The following FBXL17 variants were observed in gnomAD, a reference collection of about 807,000 sequenced individuals.
FBXL17 encodes F-box and leucine rich repeat protein 17.
FBXL17 carries 22 observed loss-of-function variants against 66.2 expected under a neutral mutation model. That is an observed-to-expected ratio of 0.33 (90% CI 0.24 to 0.47). FBXL17 has a LOEUF of 0.47. Among genes scored for constraint, FBXL17 ranks in the 20% least tolerant of loss-of-function variants. The probability of loss-of-function intolerance (pLI) is 1.00; values close to 1 mark genes in which losing one functional copy is unlikely to be tolerated. For missense variants in FBXL17, 878 were observed against 948.2 expected, an observed-to-expected ratio of 0.93 and a Z score of 0.97; for synonymous variants, 474 against 400.5, an observed-to-expected ratio of 1.18 and a Z score of -2.19.
At chr5:107,980,664 A>ATATATATATTTTTTTTTTTTTTTTTTTT in intron 7 of FBXL17, among the ~76,000 whole-genome samples, 2 of 62,074 alleles carry the variant, frequency 3.2e-5, no homozygotes, top group African/African-American at 2.1e-4. Context: ...ATATATATAT[A>ATATATATATTTTTTTTTTTTTTTTTTTT]TTTTTTTTTT....
chr5:108,245,391 A>G (rs1001054424), intron 4 of FBXL17, among the ~76,000 whole-genome samples: 10 of 152,188 alleles, frequency 6.6e-5, no homozygotes, highest in Admixed American at 6.5e-4. Flanking sequence ...AAAAAAAACA[A>G]ACACCCTGAT....
intron 6 of FBXL17, among the ~76,000 whole-genome samples, chr5:108,104,907 T>A (rs1749734967): frequency 6.6e-6 from 1 of 152,170 alleles, no homozygotes; most frequent in African/African-American, 2.4e-5. Flanking sequence ...AGTGGTGCCA[T>A]CTCGGCTCAC....
intron 7 of FBXL17, among the ~76,000 whole-genome samples, chr5:107,918,591 A>G (rs1298873637): frequency 1.3e-5 from 2 of 152,196 alleles, no homozygotes; most frequent in African/African-American, 4.8e-5. Flanking sequence ...GCATTCACAT[A>G]CCTATATTAC....
At chr5:107,969,554 A>T (rs7727208) in intron 7 of FBXL17, among the ~76,000 whole-genome samples, 44,721 of 151,918 alleles carry the variant, frequency 0.29, 6,850 homozygotes, top group African/African-American at 0.36. Flanking sequence ...AAGTTAAGTC[A>T]ATTCAGATGC....
At chr5:107,929,488 T>C (rs1239420571) in intron 7 of FBXL17, among the ~76,000 whole-genome samples, 3 of 152,132 alleles carry the variant, frequency 2.0e-5, no homozygotes, top group Non-Finnish European at 4.4e-5. Context: ...TGTGCAATAG[T>C]AAAATAAAAA....
chr5:108,218,016 CTTTT>C (rs752575685), intron 5 of FBXL17, among the ~76,000 whole-genome samples: 3 of 120,124 alleles, frequency 2.5e-5, no homozygotes, highest in African/African-American at 6.9e-5. Flanking sequence ...AATTTTTTTT[CTTTT>C]TTTTTTTTTT....
intron 6 of FBXL17, among the ~76,000 whole-genome samples, chr5:108,170,785 C>T (rs185362373): frequency 4.8e-4 from 73 of 152,272 alleles, no homozygotes; most frequent in African/African-American, 1.7e-3. Flanking sequence ...CTGCCCGCCT[C>T]GGCCTCCCAA....
intron 4 of FBXL17, among the ~76,000 whole-genome samples, chr5:108,333,372 C>G (rs1469300514): frequency 6.6e-6 from 1 of 151,870 alleles, no homozygotes; most frequent in Non-Finnish European, 1.5e-5. Context: ...CAAAGATGGA[C>G]AGACAAATTA....
At chr5:108,305,092 C>G (rs909138553) in intron 4 of FBXL17, among the ~76,000 whole-genome samples, 5 of 151,900 alleles carry the variant, frequency 3.3e-5, no homozygotes, top group Admixed American at 2.0e-4. Context: ...ACAAGTCTGA[C>G]CCTAATAGAA....
At chr5:108,147,811 G>T (rs1279854177) in intron 6 of FBXL17, among the ~76,000 whole-genome samples, 2 of 151,766 alleles carry the variant, frequency 1.3e-5, no homozygotes, top group Non-Finnish European at 2.9e-5. Flanking sequence ...GAAAATAAAG[G>T]CTGATCACCT....
chr5:108,042,583 G>A (rs545168162), intron 6 of FBXL17, among the ~76,000 whole-genome samples: 7 of 152,232 alleles, frequency 4.6e-5, no homozygotes, highest in South Asian at 2.1e-4. Flanking sequence ...AGGTTGCTGC[G>A]TCTACAAATA....
At chr5:108,025,674 A>G (rs1293909811) in intron 6 of FBXL17, among the ~76,000 whole-genome samples, 4 of 145,660 alleles carry the variant, frequency 2.7e-5, no homozygotes, top group Non-Finnish European at 5.9e-5. Flanking sequence ...AAGTAGCTAC[A>G]ACACATACAC....
chr5:108,011,814 ACT>A (rs1754187593), intron 7 of FBXL17, among the ~76,000 whole-genome samples: 1 of 152,142 alleles, frequency 6.6e-6, no homozygotes, highest in African/African-American at 2.4e-5. Flanking sequence ...ACAGAGTGAG[ACT>A]CTATCTCAAA....
At chr5:108,253,371 TA>T (rs1423509129) in intron 4 of FBXL17, among the ~76,000 whole-genome samples, 1 of 152,202 alleles carries the variant, frequency 6.6e-6, no homozygotes, top group Non-Finnish European at 1.5e-5. Context: ...CTAAATGTAT[TA>T]TTTTTAAATC....
chr5:107,877,928 T>C (rs1748661550), intron 8 of FBXL17, among the ~76,000 whole-genome samples: 2 of 152,188 alleles, frequency 1.3e-5, no homozygotes, highest in African/African-American at 4.8e-5. Context: ...ATCATAGTTT[T>C]TCTGTTTCCT....
At chr5:108,129,468 T>C (rs1388639312) in intron 6 of FBXL17, among the ~76,000 whole-genome samples, 6 of 152,078 alleles carry the variant, frequency 3.9e-5, no homozygotes, top group East Asian at 3.8e-4. Flanking sequence ...AGGTATGAAA[T>C]TGTCTAATTG....
intron 6 of FBXL17, among the ~76,000 whole-genome samples, chr5:108,038,022 T>A (rs1746910967): frequency 6.6e-6 from 1 of 152,128 alleles, no homozygotes; most frequent in Non-Finnish European, 1.5e-5. Context: ...AAGAAGATGA[T>A]TAGCTAAATA....
intron 7 of FBXL17, among the ~76,000 whole-genome samples, chr5:107,901,383 T>C (rs1185216541): frequency 6.6e-6 from 1 of 152,146 alleles, no homozygotes; most frequent in Non-Finnish European, 1.5e-5. Flanking sequence ...TTCTGGAAAT[T>C]TTTACTTTCT....
chr5:108,058,534 G>C (rs1247799234), intron 6 of FBXL17, among the ~76,000 whole-genome samples: 2 of 150,970 alleles, frequency 1.3e-5, no homozygotes, highest in Non-Finnish European at 2.9e-5. Flanking sequence ...ACCCAGGCTG[G>C]AGTACAGTAG....
Sources: gnomAD v4.1 joint callset for allele counts (sites outside exome capture counted in the v4.1 genomes callset) on GRCh38, gnomAD v4.1.1 for gene constraint, MANE v1.5 for transcripts, NCBI Gene and HGNC (gene_info 2026-07-23, HGNC 2026-07-21) for gene names.